Variants in DYNC2H1 observed in about 807,000 individuals in gnomAD.
DYNC2H1 encodes cytoplasmic dynein 2 heavy chain 1.
In DYNC2H1, 410 loss-of-function variants were observed where a neutral mutation model predicts 570.0. The observed-to-expected ratio is 0.72, with a 90% CI of 0.66 to 0.78. The LOEUF (loss-of-function observed/expected upper bound fraction) is 0.78. DYNC2H1 is among the 30% of genes least tolerant of loss of function. The probability of loss-of-function intolerance (pLI) is 0.00; values close to 1 mark genes in which losing one functional copy is unlikely to be tolerated. For missense variants in DYNC2H1, 4,865 were observed against 5,046.4 expected, an observed-to-expected ratio of 0.96 and a Z score of 1.09; for synonymous variants, 1,688 against 1,677.6, an observed-to-expected ratio of 1.01 and a Z score of -0.15.
In DYNC2H1 at chr11:103,256,614, A is replaced by G. The variant is rs1865066574; in HGVS notation, c.10461+374A>G. Among the ~76,000 whole-genome samples the G allele has an allele frequency of 6.6e-6, 1 of 152,186 alleles. No individual in the cohort carries two copies. Among genetic ancestry groups the G allele is most frequent in the Admixed American group, 6.5e-5 (1 of 15,282 alleles). ...AAGGCAAGTTAAATATACTAATTAA[A>G]AGGGTTATAAGCTCTAAGGTACAGT... On this transcript the variant is annotated intron_variant, in intron 68 of 88. Coordinates refer to ENST00000375735, the MANE Select transcript of DYNC2H1 (RefSeq NM_001377.3). The surrounding 1 kb of genome is among the most constrained non-coding windows in gnomAD (Gnocchi z 4.0).
At chr11:103,281,617 A>G (rs1267027196) in intron 71 of DYNC2H1, among the ~76,000 whole-genome samples, 1 of 151,880 alleles carries the variant, frequency 6.6e-6, no homozygotes, top group Non-Finnish European at 1.5e-5. Context: ...TAGTCACACA[A>G]ATAGTACCTA....
Position 103,174,165 on chromosome 11 carries a change from A to G in DYNC2H1, c.5669A>G (p.Gln1890Arg), listed in dbSNP as rs770700549. 6.4e-7 allele frequency: 1 copy of G among 1,565,276 alleles called. No homozygotes were observed. The highest frequency in any genetic ancestry group is 8.7e-7 in the Non-Finnish European group (1 of 1,152,308). The change falls in exon 36 of 89, where the codon CAG (glutamine) becomes CGG (arginine). Residue 1890 changes from glutamine to arginine, a missense_variant. Gln to Arg is a conservative substitution (Grantham distance 43, BLOSUM62 1). Coordinates refer to ENST00000375735, the MANE Select transcript of DYNC2H1 (RefSeq NM_001377.3). Reference protein sequence around the residue: ...LRQLNKSGTTQNANESHIVVQ... With the variant: ...LRQLNKSGTTRNANESHIVVQ... ...CAGCTAAACAAAAGTGGCACTACAC[A>G]GAATGGTATGATTGATTATTCCAAA... is the stretch of plus-strand genomic sequence containing the variant.
chr11:103,178,985 T>C, intron 38 of DYNC2H1, 41 bp from the exon 39 acceptor site: 1 of 1,548,916 alleles, frequency 6.5e-7, no homozygotes, highest in Non-Finnish European at 8.8e-7. Flanking sequence ...TATCACTGCA[T>C]ATATTTTTAT....
chr11:103,304,870 A>G, intron 77 of DYNC2H1, 150 bp downstream of exon 77: 1 of 941,828 alleles, frequency 1.1e-6, no homozygotes, highest in Non-Finnish European at 1.4e-6. Context: ...ATAAATATGT[A>G]CAATTCTGCA....
In DYNC2H1 at chr11:103,479,736, CAA is replaced by C. The variant is rs1356421858; in HGVS notation, c.*485_*486del. The C allele has an allele frequency of 4.0e-5, 6 of 151,576 alleles. No individual in the cohort carries two copies. The highest frequency in any genetic ancestry group is 1.5e-4 in the African/African-American group (6 of 41,262). The allele number at this position is 151,576 out of a possible 1,614,324, so 9.4% of individuals were successfully genotyped here. A position where few individuals can be genotyped will look rare whatever the true frequency, so the allele number is the denominator to read the frequency against. On this transcript the variant is annotated 3_prime_UTR_variant, in exon 89 of 89. Transcript: ENST00000375735. Reference sequence around the variant, plus strand: ...ATTATACTATGCTAATTATAATATACAAATATATAATTATTGTCATAATTATA... The same window carrying C: ...ATTATACTATGCTAATTATAATATACATATATAATTATTGTCATAATTATA...
chr11:103,166,957 T>C (rs1292827246), intron 31 of DYNC2H1, among the ~76,000 whole-genome samples: 1 of 151,066 alleles, frequency 6.6e-6, no homozygotes, highest in Non-Finnish European at 1.5e-5. Flanking sequence ...ATGTTAGACC[T>C]TTTGGCATGG....
At chr11:103,413,384 ATAT>A (rs1300890930) in intron 84 of DYNC2H1, among the ~76,000 whole-genome samples, 8 of 149,498 alleles carry the variant, frequency 5.4e-5, no homozygotes, top group African/African-American at 2.0e-4. Flanking sequence ...TTAAAACATA[ATAT>A]TTATGTTAAA....
At position 103,323,998 on chromosome 11, in the gene DYNC2H1, A is replaced by G. The variant is rs1324496269; in HGVS notation, c.12039+8A>G. 6.5e-6 allele frequency: 10 copies of G among 1,529,092 alleles called. No homozygotes were observed. In the East Asian group the frequency reaches 1.6e-4, roughly 25 times the overall value. 94.7% of individuals were successfully genotyped at this position (1,529,092 alleles called of 1,614,324 possible). On this transcript the variant is annotated splice_region_variant and intron_variant, in intron 82 of 88. Coordinates refer to ENST00000375735, the MANE Select transcript of DYNC2H1 (RefSeq NM_001377.3). Reference sequence around the variant, plus strand: ...CGCATGATCAGTTCTCAGGTAACCTAAAAAAAAGATCTACCTTCAAAAAAA... The same window carrying G: ...CGCATGATCAGTTCTCAGGTAACCTGAAAAAAAGATCTACCTTCAAAAAAA...
At position 103,204,256 on chromosome 11, in the gene DYNC2H1, G is replaced by A. The variant is rs1299747047; in HGVS notation, c.8311+480G>A. On this transcript the variant is annotated intron_variant, in intron 51 of 88. Coordinates refer to ENST00000375735, the MANE Select transcript of DYNC2H1 (RefSeq NM_001377.3). This position sits in a 1 kb window ranked among gnomAD's most constrained non-coding sequence, Gnocchi z 4.1. ...TCCCACCAGGTTCCTCCCGCAACACGTGGGGATTATGGGAGCTACAAAATG... is the reference window on the plus strand; with the variant it reads ...TCCCACCAGGTTCCTCCCGCAACACATGGGGATTATGGGAGCTACAAAATG... 6.6e-6 allele frequency among the ~76,000 whole-genome samples: 1 copy of A among 152,122 alleles called. No individual in the cohort carries two copies. Among genetic ancestry groups the A allele is most frequent in the Non-Finnish European group, 1.5e-5 (1 of 68,022 alleles).
chr11:103,155,401 G>A lies in DYNC2H1; in HGVS notation c.3644G>A (p.Arg1215His), dbSNP rs1157870566. The A allele has an allele frequency of 1.4e-5, 22 of 1,609,760 alleles. No homozygotes were observed. Among genetic ancestry groups the A allele is most frequent in the South Asian group, 8.8e-5 (8 of 90,598 alleles). ...CCAGATCACTGGCTTGACCTTTTTC[G>A]TCTCCTTGGACTTCCTAGGGGGACT... ...LSPDHWLDLF[R>H]LLGLPRGTSL... Residue 1215 changes from arginine to histidine, a missense_variant, in exon 25 of 89, where the codon CGT becomes CAT. This residue lies in a region of DYNC2H1 where 1,936 missense variants were observed against 1,962.1 expected (regional missense o/e 0.99). Coordinates refer to ENST00000375735, the MANE Select transcript of DYNC2H1 (RefSeq NM_001377.3).
intron 30 of DYNC2H1, among the ~76,000 whole-genome samples, chr11:103,164,889 C>T (rs1861239993): frequency 6.6e-6 from 1 of 152,092 alleles, no homozygotes; most frequent in African/African-American, 2.4e-5. Flanking sequence ...TATAGAAATT[C>T]AGTAGCATTG....
At chr11:103,380,910 G>T (rs1052335351) in intron 83 of DYNC2H1, among the ~76,000 whole-genome samples, 4 of 152,166 alleles carry the variant, frequency 2.6e-5, no homozygotes, top group Non-Finnish European at 4.4e-5. Context: ...CAGGGAAAAG[G>T]AAATACCTGC....
Position 103,375,918 on chromosome 11 carries a change from C to T in DYNC2H1, c.12156+17559C>T, listed in dbSNP as rs2135566107. Among the ~76,000 whole-genome samples, 2 of 152,064 alleles carry T rather than the reference C, an allele frequency of 1.3e-5. 1 individual carries two copies. Among genetic ancestry groups the T allele is most frequent in the South Asian group, 4.2e-4 (2 of 4,806 alleles). On this transcript the variant is annotated intron_variant, in intron 83 of 88. Transcript: ENST00000375735. The stretch of plus-strand genomic sequence containing the variant: ...GTGAGGACATGAGATTTTGGAGGGG[C>T]CGGGGACAGAATGATATGGTTTGGC...
intron 17 of DYNC2H1, among the ~76,000 whole-genome samples, chr11:103,141,034 C>T (rs1441076698): frequency 2.6e-5 from 4 of 152,248 alleles, no homozygotes; most frequent in Admixed American, 6.5e-5. Context: ...ACGTAGTTCT[C>T]GAGTCTTGGC....
rs1433654235 is a variant in DYNC2H1, at chr11:103,244,058, A to G, written c.9918+267A>G. 6.6e-6 allele frequency among the ~76,000 whole-genome samples: 1 copy of G among 152,160 alleles called. No individual in the cohort carries two copies. The highest frequency in any genetic ancestry group is 1.5e-5 in the Non-Finnish European group (1 of 67,994). On this transcript the variant is annotated intron_variant, in intron 64 of 88. Coordinates refer to ENST00000375735, the MANE Select transcript of DYNC2H1 (RefSeq NM_001377.3). This position sits in a 1 kb window ranked among gnomAD's most constrained non-coding sequence, Gnocchi z 4.3. ...GATGACAGTCTAGTAGGTTAGAGAA[A>G]CAATTAAAGAAGCTTTGCACTACGT... is the stretch of plus-strand genomic sequence containing the variant.
Position 103,468,757 on chromosome 11 carries a change from A to AT in DYNC2H1, c.12765+56dup, listed in dbSNP as rs1945275970. The AT allele has an allele frequency of 5.2e-6, 7 of 1,358,504 alleles. No individual in the cohort carries two copies. The South Asian group carries it at 8.0e-5, about 16-fold the overall frequency. The allele number at this position is 1,358,504 out of a possible 1,614,324, so 84.2% of individuals were successfully genotyped here. A position where few individuals can be genotyped will look rare whatever the true frequency, so the allele number is the denominator to read the frequency against. Reference sequence around the variant, plus strand: ...TTTAATTATATCAGTTCTCTCTTAGATTTTATCTTTTCAAGAAGACATTCT... The same window carrying AT: ...TTTAATTATATCAGTTCTCTCTTAGATTTTTATCTTTTCAAGAAGACATTCT... On this transcript the variant is annotated intron_variant, in intron 88 of 88. Transcript: ENST00000375735.
Position 103,446,762 on chromosome 11 carries a change from T to G in DYNC2H1, c.12457-8424T>G, listed in dbSNP as rs763090374. 6.6e-6 allele frequency among the ~76,000 whole-genome samples: 1 copy of G among 152,100 alleles called. No homozygotes were observed. Among genetic ancestry groups the G allele is most frequent in the Non-Finnish European group, 1.5e-5 (1 of 68,022 alleles). ...TGGTACAAGAAAAAGGAAATGATTT[T>G]AGGAGTAAAGTTCTTAAAAAGGCAA... On this transcript the variant is annotated intron_variant, in intron 85 of 88. Transcript: ENST00000375735. This position sits in a 1 kb window ranked among gnomAD's most constrained non-coding sequence, Gnocchi z 4.5.
chr11:103,462,907 C>T lies in DYNC2H1; in HGVS notation c.12649-5682C>T, dbSNP rs1945067800. ...GGTAAACCTTAATAGTGAAGTGTAG[C>T]GTCATACACAAAAATGTACAAATTT... On this transcript the variant is annotated intron_variant, in intron 87 of 88. Transcript: ENST00000375735. Among the ~76,000 whole-genome samples, 3 of 152,088 alleles carry T rather than the reference C, an allele frequency of 2.0e-5. No individual in the cohort carries two copies. The South Asian group carries it at 6.2e-4, about 32-fold the overall frequency.
rs1468983472 is a variant in DYNC2H1 at position 103,321,138 on chromosome 11, G to A, written c.11835G>A (p.Lys3945=). The change falls in exon 81 of 89, where the codon AAG becomes AAA. Residue 3945 remains lysine (K), a synonymous_variant. Coordinates refer to ENST00000375735, the MANE Select transcript of DYNC2H1 (RefSeq NM_001377.3). ...FDLRVLQSYL[K]QFFNSSVIDV... is the part of the protein sequence containing the mutation. ...TTAGAGTTCTTCAGTCATACCTGAA[G>A]CAGTTTTTTAATTCTTCAGTTATTG... The A allele has an allele frequency of 1.2e-6, 2 of 1,612,290 alleles. No homozygotes were observed. The highest frequency in any genetic ancestry group is 1.1e-5 in the South Asian group (1 of 90,846).
Sources: allele counts gnomAD v4.1 joint callset (sites outside exome capture counted in the v4.1 genomes callset), GRCh38; gene constraint gnomAD v4.1.1; regional missense constraint gnomAD v4.1.1; non-coding constraint Gnocchi (gnomAD v3.1); transcripts MANE v1.5; gene names NCBI Gene and HGNC (gene_info 2026-07-23, HGNC 2026-07-21).